The following KIAA0319 variants were observed in gnomAD, a reference collection of about 807,000 sequenced individuals.
KIAA0319 encodes the protein dyslexia-associated protein KIAA0319.
In KIAA0319, 83 loss-of-function variants were observed where a neutral mutation model predicts 108.4. The observed-to-expected ratio is 0.77, with a 90% CI of 0.64 to 0.92. The LOEUF is 0.92. Ranked by LOEUF, KIAA0319 falls within the 40% of genes least tolerant of loss-of-function variation. The pLI, the probability that KIAA0319 is intolerant of heterozygous loss-of-function variation, is 0.00. For synonymous variants in KIAA0319, 484 were observed against 510.4 expected, an observed-to-expected ratio of 0.95 and a Z score of 0.70; for missense variants, 1,195 against 1,322.4, an observed-to-expected ratio of 0.90 and a Z score of 1.49.
chr6:24,588,007 G>A (rs1191887086), intron 4 of KIAA0319, among the ~76,000 whole-genome samples: 2 of 152,180 alleles, frequency 1.3e-5, no homozygotes, highest in Non-Finnish European at 2.9e-5. Flanking sequence ...GATCTTTCCA[G>A]TTCTTGTCCT....
Position 24,588,600 on chromosome 6 carries a change from G to A in KIAA0319, c.987C>T (p.Pro329=). The change falls in exon 4 of 21, where the codon CCC becomes CCT. Residue 329 remains proline, a synonymous_variant. Transcript: ENST00000378214. ...SELPISPTTA[P]RTVKELTVSA... ...GTATTTTTTAAAAGTTACCTGTCCT[G>A]GGAGCAGTGGTAGGAGATATGGGTA... is the stretch of plus-strand genomic sequence containing the variant. The A allele has an allele frequency of 6.2e-7, 1 of 1,612,446 alleles. No homozygotes were observed. Among genetic ancestry groups the A allele is most frequent in the Non-Finnish European group, 8.5e-7 (1 of 1,178,688 alleles).
intron 1 of KIAA0319, among the ~76,000 whole-genome samples, chr6:24,634,074 C>CA (rs1775905349): frequency 6.6e-6 from 1 of 152,026 alleles, no homozygotes; most frequent in Non-Finnish European, 1.5e-5. Context: ...TAAATAAACA[C>CA]AAAAAAATAG....
intron 17 of KIAA0319, among the ~76,000 whole-genome samples, chr6:24,557,145 C>T (rs981730982): frequency 6.6e-6 from 1 of 152,070 alleles, no homozygotes. Flanking sequence ...TTGGAGGTTG[C>T]AGTGAGCCGA....
At chr6:24,612,079 GCTCAAATTTA>G (rs1772415657) in intron 1 of KIAA0319, among the ~76,000 whole-genome samples, 2 of 150,522 alleles carry the variant, frequency 1.3e-5, no homozygotes, top group Non-Finnish European at 3.0e-5. Context: ...AGAAAAAGAT[GCTCAAATTTA>G]CTCACAAAAA....
chr6:24,611,352 A>T (rs896126488), intron 1 of KIAA0319, among the ~76,000 whole-genome samples: 1 of 152,112 alleles, frequency 6.6e-6, no homozygotes. Flanking sequence ...TACAAAAATT[A>T]GACAGGCATA....
intron 1 of KIAA0319, among the ~76,000 whole-genome samples, chr6:24,636,657 T>C (rs1396160553): frequency 6.6e-6 from 1 of 152,106 alleles, no homozygotes; most frequent in Non-Finnish European, 1.5e-5. Flanking sequence ...AAATCAACAG[T>C]TTACAAATGA....
chr6:24,626,372 A>C (rs1223963375), intron 1 of KIAA0319, among the ~76,000 whole-genome samples: 2 of 152,180 alleles, frequency 1.3e-5, no homozygotes, highest in Non-Finnish European at 2.9e-5. Flanking sequence ...TCTCTACTAA[A>C]AATACAAAAA....
chr6:24,572,963 T>C (rs1217538979), intron 10 of KIAA0319, among the ~76,000 whole-genome samples: 1 of 151,886 alleles, frequency 6.6e-6, no homozygotes, highest in Non-Finnish European at 1.5e-5. Context: ...TAAAAATATA[T>C]TTTAAAAATC....
At chr6:24,584,796 G>A (rs1011254611) in intron 4 of KIAA0319, among the ~76,000 whole-genome samples, 1 of 152,120 alleles carries the variant, frequency 6.6e-6, no homozygotes, top group Non-Finnish European at 1.5e-5. Context: ...CTTATATACC[G>A]GATTAAACTG....
rs556231161 is a variant in KIAA0319, at chr6:24,591,564, C to T, written c.802-2779G>A. 3.3e-5 allele frequency among the ~76,000 whole-genome samples: 5 copies of T among 152,298 alleles called. No homozygotes were observed. In the South Asian group the frequency reaches 1.0e-3, roughly 32 times the overall value. On this transcript the variant is annotated intron_variant, in intron 3 of 20. Coordinates refer to ENST00000378214, the MANE Select transcript of KIAA0319 (RefSeq NM_014809.4). ...TGCAGTAAGCCATGCTGCACCGTGG[C>T]ATTTTGACCTGGGTGTGGAACAAGA...
chr6:24,606,994 C>T (rs1771506665), intron 1 of KIAA0319, among the ~76,000 whole-genome samples: 1 of 152,218 alleles, frequency 6.6e-6, no homozygotes, highest in Non-Finnish European at 1.5e-5. Context: ...GACAGCCAAC[C>T]TTTGAATTCT....
intron 4 of KIAA0319, 118 bp from the exon 5 acceptor site, chr6:24,583,820 G>A (rs1164674412): frequency 7.3e-6 from 5 of 681,444 alleles, no homozygotes; most frequent in South Asian, 1.9e-5. Flanking sequence ...TTTTGTAATA[G>A]TTCTTCATAA....
intron 1 of KIAA0319, among the ~76,000 whole-genome samples, chr6:24,642,493 A>T (rs1777096122): frequency 6.6e-6 from 1 of 152,188 alleles, no homozygotes; most frequent in Non-Finnish European, 1.5e-5. Context: ...GGGACAGCCC[A>T]TACTTCCCCA....
chr6:24,612,782 G>A (rs895490982), intron 1 of KIAA0319, among the ~76,000 whole-genome samples: 2 of 151,982 alleles, frequency 1.3e-5, no homozygotes, highest in African/African-American at 4.8e-5. Context: ...GGGGAGAGAG[G>A]GCTCAGGGAG....
chr6:24,568,715 T>C (rs1376045634), intron 13 of KIAA0319, 66 bp downstream of exon 13: 2 of 1,492,746 alleles, frequency 1.3e-6, no homozygotes, highest in East Asian at 2.3e-5. Flanking sequence ...AGTCATGGCC[T>C]GGCTGAGGGT....
In KIAA0319 at chr6:24,588,755, C is replaced by T; in HGVS notation, c.832G>A (p.Ala278Thr). ...VLMPSHSLPP[A>T]SLELSSVTVE... is the part of the protein sequence containing the mutation. ...GTGACTGAGCTGAGCTCCAGGCTTGCCGGAGGAAGACTATGGGAAGGCATT... is the reference window on the plus strand; with the variant it reads ...GTGACTGAGCTGAGCTCCAGGCTTGTCGGAGGAAGACTATGGGAAGGCATT... Residue 278 changes from alanine to threonine, a missense_variant, in exon 4 of 21, where the codon GCA becomes ACA. Physicochemically the swap from Ala to Thr is moderately conservative, Grantham distance 58 (BLOSUM62 0). Coordinates refer to ENST00000378214, the MANE Select transcript of KIAA0319 (RefSeq NM_014809.4). The T allele has an allele frequency of 6.2e-7, 1 of 1,613,570 alleles. No homozygotes were observed. The highest frequency in any genetic ancestry group is 1.3e-5 in the African/African-American group (1 of 74,784).
intron 14 of KIAA0319, among the ~76,000 whole-genome samples, chr6:24,565,534 C>T (rs1338657262): frequency 6.6e-6 from 1 of 151,990 alleles, no homozygotes; most frequent in African/African-American, 2.4e-5. Context: ...GCGGGTGGAT[C>T]ACAAGGTCAA....
At chr6:24,627,950 G>A (rs1582308681) in intron 1 of KIAA0319, among the ~76,000 whole-genome samples, 1 of 152,214 alleles carries the variant, frequency 6.6e-6, no homozygotes, top group African/African-American at 2.4e-5. Context: ...TGTCCTGAAT[G>A]TAGGAGCCTC....
intron 4 of KIAA0319, 130 bp downstream of exon 4, chr6:24,588,463 C>G: frequency 2.7e-6 from 2 of 747,682 alleles, no homozygotes; most frequent in Non-Finnish European, 4.6e-6. Flanking sequence ...GTATGCAGCA[C>G]CGTTTCTGGC....
Sources: allele counts gnomAD v4.1 joint callset (sites outside exome capture counted in the v4.1 genomes callset), GRCh38; gene constraint gnomAD v4.1.1; transcripts MANE v1.5; gene names NCBI Gene and HGNC (gene_info 2026-07-23, HGNC 2026-07-21).